Variants in EPB41L2 observed in about 807,000 individuals in gnomAD.
EPB41L2 encodes band 4.1-like protein 2.
A neutral mutation model predicts 113.0 loss-of-function variants in EPB41L2; 43 were observed. That is an observed-to-expected ratio of 0.38 (90% CI 0.30 to 0.49). The LOEUF (loss-of-function observed/expected upper bound fraction) is 0.49, where lower values mean the gene tolerates loss of function less well. Among genes scored for constraint, EPB41L2 ranks in the 20% least tolerant of loss-of-function variants. The probability of loss-of-function intolerance (pLI) is 0.95; values close to 1 mark genes in which losing one functional copy is unlikely to be tolerated. For synonymous variants in EPB41L2, 442 were observed against 436.7 expected, an observed-to-expected ratio of 1.01 and a Z score of -0.15; for missense variants, 1,147 against 1,223.4, an observed-to-expected ratio of 0.94 and a Z score of 0.93.
Position 130,901,013 on chromosome 6 carries a change from G to A in EPB41L2, c.1097C>T (p.Thr366Ile), listed in dbSNP as rs751913360. 6.2e-7 allele frequency: 1 copy of A among 1,614,166 alleles called. No homozygotes were observed. Reference protein sequence around the residue: ...IDLSEFQFAPTQTKELEEKVA... With the variant: ...IDLSEFQFAPIQTKELEEKVA... ...CTTCTCTTCCAGCTCCTTAGTCTGAGTAGGGGCAAACTGGAATTCACTGAG... is the reference window on the plus strand; with the variant it reads ...CTTCTCTTCCAGCTCCTTAGTCTGAATAGGGGCAAACTGGAATTCACTGAG... The change falls in exon 7 of 20, where the codon ACT becomes ATT. Residue 366 changes from threonine (T) to isoleucine (I), a missense_variant. By Grantham distance (89) the Thr-to-Ile change is moderately conservative. Coordinates refer to ENST00000337057, the MANE Select transcript of EPB41L2 (RefSeq NM_001431.4).
intron 1 of EPB41L2, among the ~76,000 whole-genome samples, chr6:130,989,104 A>T (rs1425164084): frequency 6.6e-6 from 1 of 152,024 alleles, no homozygotes; most frequent in African/African-American, 2.4e-5. Flanking sequence ...CAAACAAACA[A>T]ACAAAGAATG....
chr6:130,926,393 T>C (rs1804741454), intron 4 of EPB41L2, among the ~76,000 whole-genome samples: 1 of 152,230 alleles, frequency 6.6e-6, no homozygotes, highest in Non-Finnish European at 1.5e-5. Context: ...CATGTACACA[T>C]ATGCATGCAC....
intron 4 of EPB41L2, among the ~76,000 whole-genome samples, chr6:130,915,815 G>GCT (rs367621838): frequency 0.026 from 3,952 of 151,740 alleles, 206 homozygotes; most frequent in African/African-American, 0.091. Context: ...CTCTGCACAA[G>GCT]CTCTCTCTCT....
In EPB41L2 at chr6:130,961,304, G is replaced by C. The variant is rs562110369; in HGVS notation, c.-14-4805C>G. Among the ~76,000 whole-genome samples, 2 of 152,252 alleles carry C rather than the reference G, an allele frequency of 1.3e-5. 1 individual carries two copies. The highest frequency in any genetic ancestry group is 1.3e-4 in the Admixed American group (2 of 15,300). ...TTACCATGTTGGCATGCTCCATCTG[G>C]GTTGATAAAAGTGTTCGTCATTGTG... On this transcript the variant is annotated intron_variant, in intron 1 of 19. Coordinates refer to ENST00000337057, the MANE Select transcript of EPB41L2 (RefSeq NM_001431.4).
intron 4 of EPB41L2, among the ~76,000 whole-genome samples, chr6:130,910,646 T>A (rs1799082257): frequency 6.6e-6 from 1 of 152,008 alleles, no homozygotes; most frequent in South Asian, 2.1e-4. Flanking sequence ...AGGGCTAATA[T>A]CCAGAATCTA....
chr6:130,853,294 G>T (rs1296159265), intron 19 of EPB41L2, among the ~76,000 whole-genome samples: 1 of 152,186 alleles, frequency 6.6e-6, no homozygotes, highest in African/African-American at 2.4e-5. Context: ...GAGTCAGAGA[G>T]GCTCCTGTGA....
rs571712329 is a variant in EPB41L2 at position 131,013,247 on chromosome 6, A to T, written c.-15+49908T>A. On this transcript the variant is annotated intron_variant, in intron 1 of 19. Transcript: ENST00000337057. Reference sequence around the variant, plus strand: ...CTAATCAGTTAACTAAAGAAAAAAAAAAATATATATATATAAGACCCAATC... The same window carrying T: ...CTAATCAGTTAACTAAAGAAAAAAATAAATATATATATATAAGACCCAATC... Among the ~76,000 whole-genome samples, 382 of 149,320 alleles carry T rather than the reference A, an allele frequency of 2.6e-3. 2 individuals carry two copies. Among genetic ancestry groups the T allele is most frequent in the African/African-American group, 6.1e-3 (252 of 41,022 alleles).
chr6:130,946,583 C>T (rs1812892467), intron 3 of EPB41L2, among the ~76,000 whole-genome samples: 1 of 151,616 alleles, frequency 6.6e-6, no homozygotes, highest in Admixed American at 6.6e-5. Flanking sequence ...AGGTTGATAG[C>T]CCACAGGAAA....
intron 4 of EPB41L2, among the ~76,000 whole-genome samples, chr6:130,915,040 A>T (rs1258937222): frequency 1.3e-5 from 2 of 152,208 alleles, no homozygotes; most frequent in Non-Finnish European, 2.9e-5. Flanking sequence ...GCGGTGGCTC[A>T]CGCCTGTAAT....
intron 4 of EPB41L2, among the ~76,000 whole-genome samples, chr6:130,910,722 T>C (rs1038226002): frequency 1.6e-4 from 25 of 152,280 alleles, no homozygotes; most frequent in East Asian, 3.9e-4. Context: ...AGGATATGAA[T>C]AGACACTTCT....
chr6:130,846,290 T>A (rs928095047), intron 19 of EPB41L2, among the ~76,000 whole-genome samples: 2 of 152,240 alleles, frequency 1.3e-5, no homozygotes, highest in Non-Finnish European at 2.9e-5. Context: ...CACTATGTGA[T>A]GATTTTTAAC....
intron 10 of EPB41L2, among the ~76,000 whole-genome samples, chr6:130,892,403 C>CTTTTTTTTTCTTTTTTTTTTTTTTTT (rs1793208875): frequency 1.1e-5 from 1 of 92,640 alleles, no homozygotes; most frequent in Non-Finnish European, 2.4e-5. Context: ...CAGATTATTG[C>CTTTTTTTTTCTTTTTTTTTTTTTTTT]TTTTTTTTTT....
At chr6:130,990,375 T>C (rs1449316046) in intron 1 of EPB41L2, among the ~76,000 whole-genome samples, 1 of 150,140 alleles carries the variant, frequency 6.7e-6, no homozygotes, top group African/African-American at 2.4e-5. Context: ...AAAACATATC[T>C]AGAGGAAGCC....
intron 1 of EPB41L2, among the ~76,000 whole-genome samples, chr6:131,042,019 T>C (rs961184466): frequency 6.6e-6 from 1 of 152,210 alleles, no homozygotes; most frequent in Admixed American, 6.5e-5. Context: ...TGATAAACTG[T>C]GCTTTAAGAC....
At chr6:130,923,792 G>A (rs1475513666) in intron 4 of EPB41L2, among the ~76,000 whole-genome samples, 7 of 152,188 alleles carry the variant, frequency 4.6e-5, no homozygotes, top group African/African-American at 7.2e-5. Context: ...CAGCGAGCAC[G>A]CTGGTTTGTA....
chr6:130,943,707 A>C (rs538534086), intron 3 of EPB41L2, among the ~76,000 whole-genome samples: 30 of 152,370 alleles, frequency 2.0e-4, no homozygotes, highest in African/African-American at 6.5e-4. Context: ...GAAGAAAAAA[A>C]GCATGTGAAA....
At chr6:130,938,713 G>A (rs1199861931) in intron 3 of EPB41L2, among the ~76,000 whole-genome samples, 1 of 151,996 alleles carries the variant, frequency 6.6e-6, no homozygotes, top group East Asian at 1.9e-4. Flanking sequence ...GGCTTCAATA[G>A]TGAAATTCTA....
chr6:130,854,718 A>G (rs2128416506), intron 19 of EPB41L2, among the ~76,000 whole-genome samples: 1 of 152,326 alleles, frequency 6.6e-6, no homozygotes, highest in East Asian at 1.9e-4. Flanking sequence ...CTCATTCATT[A>G]TCTTATTCTA....
At chr6:130,865,515 T>C (rs866176810) in intron 17 of EPB41L2, 21 bp downstream of exon 17, 2 of 1,608,328 alleles carry the variant, frequency 1.2e-6, no homozygotes, top group Middle Eastern at 3.3e-4. Context: ...CCTCTCCATA[T>C]GATCCCCTGC....
Sources: gnomAD v4.1 joint callset for allele counts (sites outside exome capture counted in the v4.1 genomes callset) on GRCh38, gnomAD v4.1.1 for gene constraint, MANE v1.5 for transcripts, NCBI Gene and HGNC (gene_info 2026-07-23, HGNC 2026-07-21) for gene names.